Variants in RNF128 observed in about 807,000 individuals in gnomAD.
RNF128 encodes ring finger protein 128.
In RNF128, 13 loss-of-function variants were observed where a neutral mutation model predicts 26.2. That is an observed-to-expected ratio of 0.50 (90% confidence interval 0.32 to 0.79). The LOEUF is 0.79. Among genes scored for constraint, RNF128 ranks in the 30% least tolerant of loss-of-function variants. The probability of loss-of-function intolerance (pLI) is 0.03; values close to 1 mark genes in which losing one functional copy is unlikely to be tolerated. For synonymous variants in RNF128, 149 were observed against 142.5 expected, an observed-to-expected ratio of 1.05 and a Z score of -0.32; for missense variants, 315 against 349.7, an observed-to-expected ratio of 0.90 and a Z score of 0.79.
intron 2 of RNF128, 138 bp from the exon 3 acceptor site, chrX:106,784,927 C>A: frequency 2.3e-6 from 1 of 443,955 alleles, no homozygotes; most frequent in Non-Finnish European, 3.7e-6. Flanking sequence ...TTTATTATGG[C>A]TAATTAAGTT....
intron 1 of RNF128, among the ~76,000 whole-genome samples, chrX:106,727,969 AGTGCTT>A (rs113399236): frequency 8.1e-5 from 9 of 111,731 alleles, no homozygotes; most frequent in African/African-American, 2.9e-4. Flanking sequence ...ACTTGGTATC[AGTGCTT>A]TTGTTTGCTT....
At chrX:106,710,477 G>T (rs1250339765) in intron 1 of RNF128, among the ~76,000 whole-genome samples, 1 of 111,879 alleles carries the variant, frequency 8.9e-6, no homozygotes, top group Non-Finnish European at 1.9e-5. Flanking sequence ...AGCTGATCTG[G>T]CTGGGCACTG....
chrX:106,709,705 C>A (rs1290894405), intron 1 of RNF128, among the ~76,000 whole-genome samples: 1 of 110,908 alleles, frequency 9.0e-6, no homozygotes, highest in Non-Finnish European at 1.9e-5. Flanking sequence ...TGCCACCATG[C>A]CCAACTAATT....
intron 1 of RNF128, among the ~76,000 whole-genome samples, chrX:106,699,755 T>G (rs1928925953): frequency 9.0e-6 from 1 of 111,730 alleles, no homozygotes; most frequent in Non-Finnish European, 1.9e-5. Flanking sequence ...TCCCTCTCCC[T>G]CACAATGCTT....
At chrX:106,717,703 G>A (rs1243197691) in intron 1 of RNF128, among the ~76,000 whole-genome samples, 2 of 111,996 alleles carry the variant, frequency 1.8e-5, no homozygotes, top group Non-Finnish European at 3.8e-5. Context: ...GATAGTTACT[G>A]CTTACAATTT....
At chrX:106,766,662 G>T (rs1254840379) in intron 1 of RNF128, among the ~76,000 whole-genome samples, 1 of 111,803 alleles carries the variant, frequency 8.9e-6, no homozygotes, top group African/African-American at 3.3e-5. Flanking sequence ...CATTCTGTAG[G>T]TTGCCTGTTC....
At chrX:106,703,521 G>A (rs914099431) in intron 1 of RNF128, among the ~76,000 whole-genome samples, 6 of 111,271 alleles carry the variant, frequency 5.4e-5, no homozygotes, top group African/African-American at 2.0e-4. Flanking sequence ...TTAAGAGTCT[G>A]TGCTCTTAAT....
At chrX:106,733,122 A>T (rs1929528995) in intron 1 of RNF128, among the ~76,000 whole-genome samples, 1 of 111,126 alleles carries the variant, frequency 9.0e-6, no homozygotes, top group Non-Finnish European at 1.9e-5. Context: ...AGGTATTATA[A>T]ATAATCTAGA....
At chrX:106,722,785 G>T (rs1602367654), upstream of RNF128, among the ~76,000 whole-genome samples, 1 of 111,702 alleles carries the variant, frequency 9.0e-6, no homozygotes, top group African/African-American at 3.3e-5. Flanking sequence ...ACTAGTGTTT[G>T]CTAATCAGTA....
chrX:106,756,008 AC>A (rs1194649968), intron 1 of RNF128, among the ~76,000 whole-genome samples: 19 of 110,544 alleles, frequency 1.7e-4, no homozygotes, highest in Admixed American at 2.9e-4. Context: ...AGAATAAAAT[AC>A]CTAGGAATCC....
intron 1 of RNF128, among the ~76,000 whole-genome samples, chrX:106,744,669 C>G (rs940329915): frequency 2.7e-5 from 3 of 110,751 alleles, no homozygotes; most frequent in African/African-American, 9.9e-5. Flanking sequence ...CCGTGTTAAC[C>G]AGGATGGTCT....
At chrX:106,701,523 G>A (rs2147657507) in intron 1 of RNF128, among the ~76,000 whole-genome samples, 1 of 111,660 alleles carries the variant, frequency 9.0e-6, no homozygotes, top group African/African-American at 3.2e-5. Context: ...CTGTTAGCTT[G>A]GGAGAAATAA....
At position 106,694,256 on chromosome X, in the gene RNF128, G is replaced by A. The variant is rs141457020; in HGVS notation, c.254G>A (p.Ser85Asn). The A allele has an allele frequency of 3.2e-5, 39 of 1,209,077 alleles. No homozygotes were observed. The African/African-American group carries it at 6.1e-4, about 19-fold the overall frequency. The change falls in exon 1 of 7, where the codon AGT becomes AAT. Residue 85 changes from serine (S) to asparagine (N), a missense_variant. Coordinates refer to the RNF128 transcript ENST00000324342. ...GCTTGTGACCACAACACTGAGTTTAGTAATACTAAGAAGCCCTGGATTGCG... is the reference window on the plus strand; with the variant it reads ...GCTTGTGACCACAACACTGAGTTTAATAATACTAAGAAGCCCTGGATTGCG...
intron 1 of RNF128, among the ~76,000 whole-genome samples, chrX:106,771,646 G>T (rs1930373844): frequency 8.9e-6 from 1 of 112,691 alleles, no homozygotes; most frequent in Non-Finnish European, 1.9e-5. Context: ...TCCAGGTACG[G>T]TCTGTCACGG....
intron 1 of RNF128, among the ~76,000 whole-genome samples, chrX:106,727,686 T>C (rs1426147302): frequency 9.0e-6 from 1 of 111,511 alleles, no homozygotes; most frequent in African/African-American, 3.3e-5. Flanking sequence ...TCCTGGTTTT[T>C]CACAAGGGTG....
Position 106,726,745 on chromosome X carries a change from C to T in RNF128, c.-169C>T, listed in dbSNP as rs1929403755. On this transcript the variant is annotated 5_prime_UTR_variant, in exon 1 of 7. Coordinates refer to ENST00000255499, the MANE Select transcript of RNF128 (RefSeq NM_194463.2). ...GAGCTCCGAGGAGCTGCATCTGCGGCAACCTGTGTGCTGACGCTACGTGCC... is the reference window on the plus strand; with the variant it reads ...GAGCTCCGAGGAGCTGCATCTGCGGTAACCTGTGTGCTGACGCTACGTGCC... The T allele has an allele frequency of 9.5e-7, 1 of 1,050,827 alleles. No homozygotes were observed. Among genetic ancestry groups the T allele is most frequent in the Non-Finnish European group, 1.2e-6 (1 of 824,137 alleles). 86.6% of individuals were successfully genotyped at this position (1,050,827 alleles called of 1,213,427 possible).
At chrX:106,773,260 A>T in intron 2 of RNF128, 100 bp downstream of exon 2, 1 of 813,234 alleles carries the variant, frequency 1.2e-6, no homozygotes, top group Non-Finnish European at 1.7e-6. Context: ...CTAGACAATG[A>T]TCTCCCCATA....
intron 1 of RNF128, among the ~76,000 whole-genome samples, chrX:106,718,036 A>T (rs1480082757): frequency 1.8e-5 from 2 of 111,994 alleles, no homozygotes; most frequent in African/African-American, 6.5e-5. Context: ...GGGCATATTG[A>T]AAGCACTGAC....
chrX:106,718,690 G>A (rs1026204536), intron 1 of RNF128, among the ~76,000 whole-genome samples: 1 of 111,448 alleles, frequency 9.0e-6, no homozygotes, highest in African/African-American at 3.3e-5. Flanking sequence ...GATTTGTGGT[G>A]AAGTCAAAAC....
Sources: gnomAD v4.1 joint callset for allele counts (sites outside exome capture counted in the v4.1 genomes callset) on GRCh38, gnomAD v4.1.1 for gene constraint, MANE v1.5 for transcripts, NCBI Gene and HGNC (gene_info 2026-07-23, HGNC 2026-07-21) for gene names.